Variants in THRB observed in about 807,000 individuals in gnomAD.
THRB encodes nuclear receptor subfamily 1 group A member 2.
A neutral mutation model predicts 47.8 loss-of-function variants in THRB; 12 were observed. That is an observed-to-expected ratio of 0.25 (90% CI 0.16 to 0.41). THRB has a LOEUF of 0.41. Ranked by LOEUF, THRB falls within the 10% of genes least tolerant of loss-of-function variation. The pLI, the probability that THRB is intolerant of heterozygous loss-of-function variation, is 1.00. For synonymous variants in THRB, 218 were observed against 212.2 expected, an observed-to-expected ratio of 1.03 and a Z score of -0.24; for missense variants, 348 against 589.2, an observed-to-expected ratio of 0.59 and a Z score of 4.24.
intron 1 of THRB, among the ~76,000 whole-genome samples, chr3:24,433,404 G>T (rs1056653050): frequency 6.6e-6 from 1 of 152,104 alleles, no homozygotes; most frequent in African/African-American, 2.4e-5. Flanking sequence ...GCATAGATTA[G>T]AGTGACGCAC....
intron 3 of THRB, among the ~76,000 whole-genome samples, chr3:24,249,475 C>G (rs2050438472): frequency 6.6e-6 from 1 of 152,130 alleles, no homozygotes. Context: ...GCGATATAAC[C>G]TTGCCACATC....
intron 2 of THRB, among the ~76,000 whole-genome samples, chr3:24,324,097 C>T (rs1262400638): frequency 6.6e-6 from 1 of 152,196 alleles, no homozygotes; most frequent in Admixed American, 6.5e-5. Flanking sequence ...CTCAGTCTCA[C>T]CCCACGCTTC....
intron 1 of THRB, among the ~76,000 whole-genome samples, chr3:24,362,387 G>C (rs2064141214): frequency 1.3e-5 from 2 of 152,064 alleles, no homozygotes; most frequent in Admixed American, 6.6e-5. Context: ...CCCTTCATAA[G>C]AGATGCTCTT....
In THRB at chr3:24,357,378, A is replaced by AAAAAAAAAAC. The variant is rs1560011027; in HGVS notation, c.-260-20008_-260-20007insGTTTTTTTTT. On this transcript the variant is annotated intron_variant, in intron 1 of 10. Transcript: ENST00000646209. ...AAAAAAAAAAAAAAAAAAAAAACAA[A>AAAAAAAAAAC]AAACAAACAAACAAAAAAACACCAA... Among the ~76,000 whole-genome samples the AAAAAAAAAAC allele has an allele frequency of 6.2e-4, 87 of 141,258 alleles. 4 individuals carry two copies. Among genetic ancestry groups the AAAAAAAAAAC allele is most frequent in the African/African-American group, 2.5e-3 (84 of 33,690 alleles). The allele number at this position is 141,258 out of a possible 152,430, so 92.7% of individuals were successfully genotyped here.
At chr3:24,362,299 C>A (rs78407701) in intron 1 of THRB, among the ~76,000 whole-genome samples, 6,948 of 152,144 alleles carry the variant, frequency 0.046, 504 homozygotes, top group African/African-American at 0.15. Flanking sequence ...TCCTACTCCT[C>A]TTCCCCTCTC....
chr3:24,142,055 T>C (rs999864990), intron 8 of THRB, among the ~76,000 whole-genome samples: 3 of 152,176 alleles, frequency 2.0e-5, no homozygotes, highest in Non-Finnish European at 4.4e-5. Flanking sequence ...GCTGGGATCT[T>C]TCAGAGGCTT....
At chr3:24,288,006 A>C (rs554766816) in intron 3 of THRB, among the ~76,000 whole-genome samples, 1 of 152,258 alleles carries the variant, frequency 6.6e-6, no homozygotes, top group African/African-American at 2.4e-5. Context: ...CTGTGGTTCC[A>C]AAGTTGCACT....
At chr3:24,469,063 GCTGA>G (rs949974491) in intron 1 of THRB, among the ~76,000 whole-genome samples, 7 of 152,090 alleles carry the variant, frequency 4.6e-5, no homozygotes, top group Non-Finnish European at 8.8e-5. Context: ...GCTTTGCCAA[GCTGA>G]CTACTACTAA....
intron 3 of THRB, among the ~76,000 whole-genome samples, chr3:24,294,748 T>C (rs1283448980): frequency 6.6e-6 from 1 of 152,046 alleles, no homozygotes; most frequent in African/African-American, 2.4e-5. Context: ...TACCTTGGAG[T>C]TCCTGCTTTG....
At chr3:24,301,091 A>C (rs944463369) in intron 2 of THRB, among the ~76,000 whole-genome samples, 1 of 152,204 alleles carries the variant, frequency 6.6e-6, no homozygotes, top group Non-Finnish European at 1.5e-5. Flanking sequence ...GGAATTACAC[A>C]TTCATAAATC....
At chr3:24,368,259 T>C (rs1304914217) in intron 1 of THRB, among the ~76,000 whole-genome samples, 1 of 152,146 alleles carries the variant, frequency 6.6e-6, no homozygotes, top group Non-Finnish European at 1.5e-5. Flanking sequence ...CTCTATTACT[T>C]CACAGCACCC....
intron 3 of THRB, among the ~76,000 whole-genome samples, chr3:24,261,017 G>A (rs112693680): frequency 2.8e-5 from 4 of 143,056 alleles, no homozygotes; most frequent in African/African-American, 5.5e-5. Context: ...AAGTGATGCC[G>A]ATGCTGCTGG....
At chr3:24,153,865 T>A (rs1161649774) in intron 5 of THRB, among the ~76,000 whole-genome samples, 4 of 152,194 alleles carry the variant, frequency 2.6e-5, no homozygotes, top group African/African-American at 7.2e-5. Flanking sequence ...TTGACTCAGT[T>A]CAGCAAAGTC....
chr3:24,209,572 A>G (rs890234432), intron 4 of THRB, among the ~76,000 whole-genome samples: 9 of 152,206 alleles, frequency 5.9e-5, no homozygotes, highest in African/African-American at 1.9e-4. Context: ...AACTATCACA[A>G]AGACAAAAAA....
In THRB at chr3:24,294,732, A is replaced by G. The variant is rs1328177930; in HGVS notation, c.-43+2494T>C. 2.6e-5 allele frequency among the ~76,000 whole-genome samples: 4 copies of G among 152,122 alleles called. No homozygotes were observed. The South Asian group carries it at 8.3e-4, about 32-fold the overall frequency. On this transcript the variant is annotated intron_variant, in intron 3 of 10. Transcript: ENST00000646209. ...CATGCCACCCAATTAACTAAATTAAACCCACTACCTTGGAGTTCCTGCTTT... is the reference window on the plus strand; with the variant it reads ...CATGCCACCCAATTAACTAAATTAAGCCCACTACCTTGGAGTTCCTGCTTT...
chr3:24,384,052 C>A (rs566704384), intron 1 of THRB, among the ~76,000 whole-genome samples: 2 of 152,150 alleles, frequency 1.3e-5, no homozygotes, highest in East Asian at 1.9e-4. Context: ...TTTTGGTTAC[C>A]TTTTTAGTTT....
chr3:24,213,678 A>G (rs2046286023), intron 4 of THRB, among the ~76,000 whole-genome samples: 1 of 152,146 alleles, frequency 6.6e-6, no homozygotes, highest in South Asian at 2.1e-4. Context: ...CAAACATTCT[A>G]AAGGGATTTA....
chr3:24,183,755 A>G (rs889869777), intron 5 of THRB, among the ~76,000 whole-genome samples: 1 of 150,070 alleles, frequency 6.7e-6, no homozygotes, highest in Non-Finnish European at 1.5e-5. Context: ...AAAGCTAGAT[A>G]TTATTCCTCT....
chr3:24,289,734 A>AT (rs2055726479), intron 3 of THRB, among the ~76,000 whole-genome samples: 1 of 152,182 alleles, frequency 6.6e-6, no homozygotes, highest in African/African-American at 2.4e-5. Flanking sequence ...AGGCTGTCAC[A>AT]TTTTTTCTTT....
Sources: gnomAD v4.1 joint callset for allele counts (sites outside exome capture counted in the v4.1 genomes callset) on GRCh38, gnomAD v4.1.1 for gene constraint, MANE v1.5 for transcripts, NCBI Gene and HGNC (gene_info 2026-07-23, HGNC 2026-07-21) for gene names.